GCNA: variants seen among roughly 807,000 people sequenced by gnomAD.
GCNA encodes germ cell nuclear acidic peptidase, also known as germ cell nuclear acidic protein.
In GCNA, 3 loss-of-function variants were observed where a neutral mutation model predicts 38.8. The observed-to-expected ratio is 0.08, with a 90% CI of 0.04 to 0.20. The LOEUF (loss-of-function observed/expected upper bound fraction) is 0.20. Ranked by LOEUF, GCNA falls within the 10% of genes least tolerant of loss-of-function variation. The pLI, the probability that GCNA is intolerant of heterozygous loss-of-function variation, is 1.00. For synonymous variants in GCNA, 195 were observed against 240.2 expected (o/e 0.81, Z 1.74); for missense variants, 446 against 578.6 (o/e 0.77, Z 2.35).
At chrX:71,580,542 T>G in intron 1 of GCNA, 2 of 210,651 alleles carry the variant, frequency 9.5e-6, no homozygotes, top group Non-Finnish European at 1.7e-5. Context: ...TGGCACAATC[T>G]CGGCTCACTG....
intron 11 of GCNA, 43 bp from the exon 12 acceptor site, chrX:71,612,308 AGAGG>A: frequency 1.1e-5 from 8 of 712,779 alleles, no homozygotes; most frequent in Non-Finnish European, 1.4e-5. Flanking sequence ...AAAAAAAAAA[AGAGG>A]ATTGGTTTTA....
intron 9 of GCNA, 72 bp downstream of exon 9, chrX:71,605,801 C>T (rs1404106580): frequency 1.1e-6 from 1 of 951,992 alleles, no homozygotes; most frequent in African/African-American, 1.9e-5. Flanking sequence ...CCACTGGGCA[C>T]TTGGGTGGGG....
At chrX:71,601,510 C>A (rs1039665443) in intron 7 of GCNA, among the ~76,000 whole-genome samples, 1 of 111,153 alleles carries the variant, frequency 9.0e-6, no homozygotes, top group Non-Finnish European at 1.9e-5. Context: ...TGCATATGTA[C>A]CACATTTTCT....
chrX:71,586,128 A>G (rs1053322347), intron 2 of GCNA, among the ~76,000 whole-genome samples: 1 of 106,700 alleles, frequency 9.4e-6, no homozygotes, highest in Non-Finnish European at 1.9e-5. Context: ...CAATAGCCCT[A>G]TGAAATAAAT....
intron 2 of GCNA, among the ~76,000 whole-genome samples, chrX:71,590,683 T>C (rs1162596745): frequency 9.1e-6 from 1 of 109,410 alleles, no homozygotes; most frequent in African/African-American, 3.3e-5. Context: ...AGTGGCTAAG[T>C]CTAATTTTTT....
At chrX:71,612,310 A>ATC in intron 11 of GCNA, 45 bp from the exon 12 acceptor site, 1 of 444,886 alleles carries the variant, frequency 2.2e-6, no homozygotes, top group Non-Finnish European at 3.7e-6. Flanking sequence ...AAAAAAAAAG[A>ATC]GGATTGGTTT....
At chrX:71,579,314 G>A (rs1255027690) in intron 1 of GCNA, among the ~76,000 whole-genome samples, 5 of 98,504 alleles carry the variant, frequency 5.1e-5, no homozygotes, top group Admixed American at 2.2e-4. Context: ...ACTTGGTGGC[G>A]TTGGTGGCAT....
Position 71,604,282 on chromosome X carries a change from T to A in GCNA, c.1005T>A (p.Pro335=), listed in dbSNP as rs979732048. The A allele has an allele frequency of 3.6e-5, 44 of 1,211,296 alleles. No homozygotes were observed. The highest frequency in any genetic ancestry group is 8.8e-5 in the South Asian group (5 of 56,901). Residue 335 remains proline (P), a synonymous_variant, in exon 8 of 13, where the codon CCT becomes CCA. Transcript: ENST00000373696. Reference sequence around the variant, plus strand: ...ACAATAGTGATGATTTGGAAGTTCCTGTGCCAGCAGAAGATTTGTGTAATG... The same window carrying A: ...ACAATAGTGATGATTTGGAAGTTCCAGTGCCAGCAGAAGATTTGTGTAATG... ...PDDNSDDLEV[P]VPAEDLCNEG...
chrX:71,612,224 G>T, intron 11 of GCNA, 131 bp from the exon 12 acceptor site: 1 of 510,019 alleles, frequency 2.0e-6, no homozygotes. Context: ...GTTGCAGTGA[G>T]CTGAGATCAT....
chrX:71,580,623 C>T, intron 1 of GCNA, 197 bp from the exon 2 acceptor site: 2 of 331,437 alleles, frequency 6.0e-6, no homozygotes, highest in Non-Finnish European at 1.1e-5. Context: ...TACAGGCGCC[C>T]GCCACCACGC....
chrX:71,609,616 T>C (rs2040795138), intron 10 of GCNA, among the ~76,000 whole-genome samples: 1 of 112,218 alleles, frequency 8.9e-6, no homozygotes, highest in Non-Finnish European at 1.9e-5. Flanking sequence ...TTAATACACA[T>C]ACAGTGCCTA....
intron 9 of GCNA, among the ~76,000 whole-genome samples, chrX:71,606,079 A>G: frequency 8.9e-6 from 1 of 112,606 alleles, no homozygotes; most frequent in Admixed American, 9.4e-5. Flanking sequence ...GTAGCCAAAC[A>G]AGACACTTTT....
intron 6 of GCNA, among the ~76,000 whole-genome samples, chrX:71,595,590 C>T (rs944333857): frequency 4.5e-5 from 5 of 112,059 alleles, no homozygotes; most frequent in Admixed American, 9.5e-5. Flanking sequence ...ACCTCTCTTT[C>T]AGCCTCACCT....
At chrX:71,604,984 C>T (rs930354540) in intron 8 of GCNA, among the ~76,000 whole-genome samples, 1 of 112,064 alleles carries the variant, frequency 8.9e-6, no homozygotes, top group Non-Finnish European at 1.9e-5. Context: ...TCTATGAAGC[C>T]GTGAGTCAGG....
intron 9 of GCNA, among the ~76,000 whole-genome samples, chrX:71,606,327 CTTTATT>C (rs777140208): frequency 8.9e-6 from 1 of 111,974 alleles, no homozygotes; most frequent in East Asian, 2.8e-4. Flanking sequence ...CTTATCATTC[CTTTATT>C]TTTATTAAGC....
intron 2 of GCNA, among the ~76,000 whole-genome samples, chrX:71,589,496 T>C (rs1385393755): frequency 1.2e-5 from 1 of 86,882 alleles, no homozygotes; most frequent in African/African-American, 4.4e-5. Context: ...GACAGAGTCT[T>C]GCTCTGTCAC....
At chrX:71,595,683 G>A (rs2040666178) in intron 6 of GCNA, among the ~76,000 whole-genome samples, 1 of 111,528 alleles carries the variant, frequency 9.0e-6, no homozygotes, top group Admixed American at 9.6e-5. Context: ...TGTAGGGGGT[G>A]CTGAAAAAAA....
chrX:71,580,969 G>T, intron 2 of GCNA, 89 bp downstream of exon 2: 2 of 912,666 alleles, frequency 2.2e-6, no homozygotes, highest in Non-Finnish European at 1.5e-6. Context: ...ATTTCCTTTA[G>T]TATCTGTAGA....
chrX:71,606,430 TA>T (rs1318237901), intron 9 of GCNA, among the ~76,000 whole-genome samples: 1 of 112,492 alleles, frequency 8.9e-6, no homozygotes, highest in Non-Finnish European at 1.9e-5. Flanking sequence ...TATATTTTCT[TA>T]TTTAGATTCC....
Sources: allele counts gnomAD v4.1 joint callset (sites outside exome capture counted in the v4.1 genomes callset), GRCh38; gene constraint gnomAD v4.1.1; transcripts MANE v1.5; gene names NCBI Gene and HGNC (gene_info 2026-07-23, HGNC 2026-07-21).